MEMO1: variants seen among roughly 807,000 people sequenced by gnomAD.
MEMO1 encodes the protein mediator of cell motility 1.
Under a neutral mutation model 45.2 loss-of-function variants are expected in MEMO1, and 6 were observed. That is an observed-to-expected ratio of 0.13 (90% confidence interval 0.07 to 0.26). The LOEUF (loss-of-function observed/expected upper bound fraction) is 0.26. Among genes scored for constraint, MEMO1 ranks in the 10% least tolerant of loss-of-function variants. The pLI, the probability that MEMO1 is intolerant of heterozygous loss-of-function variation, is 1.00. For missense variants in MEMO1, 184 were observed against 370.5 expected (o/e 0.50, Z 4.13); for synonymous variants, 78 against 124.3 (o/e 0.63, Z 2.48).
intron 2 of MEMO1, among the ~76,000 whole-genome samples, chr2:31,976,281 A>G (rs1041879151): frequency 1.3e-5 from 2 of 152,200 alleles, no homozygotes; most frequent in Non-Finnish European, 2.9e-5. Flanking sequence ...TCAGAACTAT[A>G]AAGAATATAT....
At chr2:31,940,098 T>C (rs1254321574) in intron 3 of MEMO1, among the ~76,000 whole-genome samples, 1 of 152,146 alleles carries the variant, frequency 6.6e-6, no homozygotes, top group Non-Finnish European at 1.5e-5. Flanking sequence ...ACTCTTGATT[T>C]TCCTCCTTCC....
chr2:31,965,202 A>G (rs993007151), intron 2 of MEMO1, among the ~76,000 whole-genome samples: 7 of 151,738 alleles, frequency 4.6e-5, no homozygotes, highest in Admixed American at 3.3e-4. Context: ...AACAAGGGCG[A>G]AACTCCATCA....
At chr2:31,871,514 C>T (rs1428168726) in intron 8 of MEMO1, among the ~76,000 whole-genome samples, 7 of 134,780 alleles carry the variant, frequency 5.2e-5, no homozygotes, top group African/African-American at 8.3e-5. Flanking sequence ...CACACACACA[C>T]ACACATATAT....
chr2:31,986,726 C>T (rs536168381), intron 2 of MEMO1, among the ~76,000 whole-genome samples: 8 of 152,188 alleles, frequency 5.3e-5, no homozygotes, highest in Admixed American at 4.6e-4. Flanking sequence ...TAAGTAACAA[C>T]TTAAGTAACT....
At chr2:31,900,394 G>T (rs575243354) in intron 6 of MEMO1, among the ~76,000 whole-genome samples, 1 of 152,262 alleles carries the variant, frequency 6.6e-6, no homozygotes, top group South Asian at 2.1e-4. Flanking sequence ...CATGGATGAA[G>T]CCGGAAACCA....
At chr2:31,953,600 T>C (rs1032416674) in intron 2 of MEMO1, among the ~76,000 whole-genome samples, 2 of 151,874 alleles carry the variant, frequency 1.3e-5, no homozygotes, top group African/African-American at 4.8e-5. Context: ...AGATTACAGA[T>C]GTGCACCACC....
chr2:31,917,909 T>C lies in MEMO1; in HGVS notation c.437+17A>G, dbSNP rs1456148877. Reference sequence around the variant, plus strand: ...TGTCTATGATTTCCTGGGGATTTCTTATATCAATCAATATACCTTTCCATG... The same window carrying C: ...TGTCTATGATTTCCTGGGGATTTCTCATATCAATCAATATACCTTTCCATG... On this transcript the variant is annotated intron_variant, in intron 6 of 9. Coordinates refer to ENST00000404530, the MANE Select transcript of MEMO1 (RefSeq NM_001301833.4). 1 of 1,499,548 alleles carries C rather than the reference T, an allele frequency of 6.7e-7. No individual in the cohort carries two copies. The highest frequency in any genetic ancestry group is 2.3e-5 in the East Asian group (1 of 43,042). 92.9% of individuals were successfully genotyped at this position (1,499,548 alleles called of 1,614,324 possible).
At position 31,963,421 on chromosome 2, in the gene MEMO1, T is replaced by C. The variant is rs1478410623; in HGVS notation, c.62-20038A>G. On this transcript the variant is annotated intron_variant, in intron 2 of 9. Transcript: ENST00000404530. The stretch of plus-strand genomic sequence containing the variant: ...GAAGCAAGGAAAGCTAAAATATCTA[T>C]GACAGGTGAAAACAAAATATTCCCC... The C allele has an allele frequency of 1.3e-5, 11 of 852,486 alleles. No individual in the cohort carries two copies. The East Asian group carries it at 2.3e-4, about 18-fold the overall frequency. 52.8% of individuals were successfully genotyped at this position (852,486 alleles called of 1,614,324 possible).
intron 2 of MEMO1, among the ~76,000 whole-genome samples, chr2:31,983,194 G>A (rs777059277): frequency 5.3e-5 from 8 of 152,140 alleles, no homozygotes; most frequent in Non-Finnish European, 1.0e-4. Flanking sequence ...CCAGGAGGCA[G>A]AGGTTGTAGT....
chr2:32,008,343 T>C (rs371169230), intron 2 of MEMO1, among the ~76,000 whole-genome samples: 2 of 152,254 alleles, frequency 1.3e-5, no homozygotes, highest in African/African-American at 4.8e-5. Context: ...CCCAGGACTT[T>C]GGGAGGCCCA....
At chr2:31,910,964 T>C (rs1327363034) in intron 6 of MEMO1, among the ~76,000 whole-genome samples, 1 of 151,596 alleles carries the variant, frequency 6.6e-6, no homozygotes, top group African/African-American at 2.4e-5. Context: ...GTATAAATGA[T>C]ATGATGAGAG....
intron 2 of MEMO1, among the ~76,000 whole-genome samples, chr2:31,970,741 C>T (rs1358052045): frequency 2.6e-5 from 4 of 152,036 alleles, no homozygotes; most frequent in African/African-American, 7.2e-5. Context: ...CGGTGGCTCA[C>T]GCCTGTAATC....
chr2:31,889,946 C>G (rs936405930), intron 7 of MEMO1, among the ~76,000 whole-genome samples: 1 of 151,924 alleles, frequency 6.6e-6, no homozygotes, highest in Non-Finnish European at 1.5e-5. Context: ...GTAACTATCA[C>G]CTGGAAATCC....
chr2:31,960,369 C>T (rs1667876473), intron 2 of MEMO1, among the ~76,000 whole-genome samples: 2 of 152,062 alleles, frequency 1.3e-5, no homozygotes, highest in African/African-American at 4.8e-5. Flanking sequence ...TATCTAAGGA[C>T]ATCAAAGCAA....
At chr2:31,890,883 C>G (rs755069822) in intron 7 of MEMO1, among the ~76,000 whole-genome samples, 22 of 152,190 alleles carry the variant, frequency 1.4e-4, no homozygotes, top group Non-Finnish European at 2.5e-4. Flanking sequence ...ATCAAATGCC[C>G]CTGAGAGTAA....
chr2:31,954,659 T>C (rs1306059543), intron 2 of MEMO1, among the ~76,000 whole-genome samples: 1 of 151,434 alleles, frequency 6.6e-6, no homozygotes, highest in Admixed American at 6.6e-5. Flanking sequence ...ATGGTGAAAC[T>C]CCGTCTCTAC....
At chr2:31,896,795 A>T (rs1212932697) in intron 6 of MEMO1, among the ~76,000 whole-genome samples, 1 of 152,248 alleles carries the variant, frequency 6.6e-6, no homozygotes, top group East Asian at 1.9e-4. Context: ...AAATACTCTT[A>T]TAACTCAATA....
At chr2:31,873,087 C>A (rs1674029652) in intron 8 of MEMO1, among the ~76,000 whole-genome samples, 1 of 152,132 alleles carries the variant, frequency 6.6e-6, no homozygotes, top group Non-Finnish European at 1.5e-5. Flanking sequence ...GAATATCCTT[C>A]CCCAATTAGG....
In MEMO1 at chr2:31,920,905, C is replaced by T; in HGVS notation, c.218G>A (p.Arg73Lys). ...YKQVDPSITR[R>K]IFILGPSHHV... Reference sequence around the variant, plus strand: ...ATGAGAAGGCCCAAGGATGAAAATTCTCCGGCTAGGAGATACACAACAAAA... The same window carrying T: ...ATGAGAAGGCCCAAGGATGAAAATTTTCCGGCTAGGAGATACACAACAAAA... The change falls in exon 5 of 10, where the codon AGA becomes AAA. Residue 73 changes from arginine (R) to lysine (K), a missense_variant. Physicochemically the swap from Arg to Lys is conservative, Grantham distance 26. Around this residue, in one of 3 missense-constraint regions of MEMO1, gnomAD observed 60 missense variants for 79.2 expected, o/e 0.76. Transcript: ENST00000404530. The T allele has an allele frequency of 6.2e-7, 1 of 1,608,794 alleles. No individual in the cohort carries two copies. The highest frequency in any genetic ancestry group is 8.5e-7 in the Non-Finnish European group (1 of 1,176,938).
Sources: gnomAD v4.1 joint callset for allele counts (sites outside exome capture counted in the v4.1 genomes callset) on GRCh38, gnomAD v4.1.1 for gene constraint, gnomAD v4.1.1 regional missense constraint, MANE v1.5 for transcripts, NCBI Gene and HGNC (gene_info 2026-07-23, HGNC 2026-07-21) for gene names.